The following C3orf20 variants were observed in gnomAD, a reference collection of about 807,000 sequenced individuals.
C3orf20 encodes uncharacterized protein C3orf20.
In C3orf20, 76 loss-of-function variants were observed where a neutral mutation model predicts 88.3. The observed-to-expected ratio is 0.86, with a 90% CI of 0.72 to 1.04. C3orf20 has a LOEUF of 1.04. C3orf20 is among the 50% of genes least tolerant of loss of function. The pLI, the probability that C3orf20 is intolerant of heterozygous loss-of-function variation, is 0.00. For missense variants in C3orf20, 1,056 were observed against 1,123.3 expected (o/e 0.94, Z 0.86); for synonymous variants, 436 against 437.4 (o/e 1.00, Z 0.04).
intron 1 of C3orf20, among the ~76,000 whole-genome samples, chr3:14,678,037 C>T (rs1348178668): frequency 1.3e-5 from 2 of 152,162 alleles, no homozygotes; most frequent in African/African-American, 4.8e-5. Flanking sequence ...TCCTACCCTC[C>T]CCACCTCTAC....
In C3orf20 at chr3:14,768,910, C is replaced by G. The variant is rs1470795386; in HGVS notation, c.2496-3157C>G. ...GACCAAGGATGGTCTCAGAATCAAC[C>G]TCTAGATTAGTCTTCCAGAGAAGCA... On this transcript the variant is annotated intron_variant, in intron 15 of 16. Coordinates refer to ENST00000253697, the MANE Select transcript of C3orf20 (RefSeq NM_032137.5). This position sits in a 1 kb window ranked among gnomAD's most constrained non-coding sequence, Gnocchi z 4.1. 6.6e-6 allele frequency among the ~76,000 whole-genome samples: 1 copy of G among 152,208 alleles called. No homozygotes were observed. Among genetic ancestry groups the G allele is most frequent in the Non-Finnish European group, 1.5e-5 (1 of 68,008 alleles).
intron 12 of C3orf20, among the ~76,000 whole-genome samples, chr3:14,747,133 C>T (rs1267345335): frequency 2.0e-5 from 3 of 152,088 alleles, no homozygotes; most frequent in Admixed American, 2.0e-4. Flanking sequence ...AACTAGGTGG[C>T]CTAAAGGATT....
chr3:14,756,768 A>G (rs1039613719), intron 12 of C3orf20, among the ~76,000 whole-genome samples: 1 of 152,244 alleles, frequency 6.6e-6, no homozygotes, highest in Non-Finnish European at 1.5e-5. Context: ...GATGAAATGC[A>G]GGGGGCAGAT....
At chr3:14,693,148 G>A (rs1022868275) in intron 5 of C3orf20, among the ~76,000 whole-genome samples, 1 of 152,130 alleles carries the variant, frequency 6.6e-6, no homozygotes. Flanking sequence ...TTTGAACTCA[G>A]GTAAGATGAT....
chr3:14,684,236 C>A lies in C3orf20; in HGVS notation c.485-6C>A, dbSNP rs369563013. The A allele has an allele frequency of 5.6e-6, 9 of 1,613,646 alleles. No individual in the cohort carries two copies. In the East Asian group the frequency reaches 2.0e-4, roughly 36 times the overall value. On this transcript the variant is annotated splice_region_variant and splice_polypyrimidine_tract_variant and intron_variant, in intron 3 of 16. Coordinates refer to ENST00000253697, the MANE Select transcript of C3orf20 (RefSeq NM_032137.5). ...GGACACGTGTTGCTTTCTATCATTG[C>A]TTTAGTGGGTGCCAACCCCTTGGAC... is the stretch of plus-strand genomic sequence containing the variant.
At chr3:14,698,583 G>C (rs765094592) in intron 5 of C3orf20, among the ~76,000 whole-genome samples, 2 of 152,192 alleles carry the variant, frequency 1.3e-5, no homozygotes, top group African/African-American at 4.8e-5. Flanking sequence ...TAGATTATCA[G>C]GTAGAGACTC....
At chr3:14,769,163 C>T (rs2035796652) in intron 15 of C3orf20, among the ~76,000 whole-genome samples, 1 of 152,084 alleles carries the variant, frequency 6.6e-6, no homozygotes. Flanking sequence ...GTGAGCAGTG[C>T]ACCATAATAA....
intron 10 of C3orf20, among the ~76,000 whole-genome samples, chr3:14,726,250 G>T (rs2034340445): frequency 6.6e-6 from 1 of 152,240 alleles, no homozygotes; most frequent in South Asian, 2.1e-4. Context: ...TGATCCTTCA[G>T]CGTAATCCCA....
At chr3:14,738,199 A>G (rs550557366) in intron 12 of C3orf20, among the ~76,000 whole-genome samples, 10 of 122,708 alleles carry the variant, frequency 8.1e-5, no homozygotes, top group Non-Finnish European at 1.6e-4. Context: ...GCAGAGTCTC[A>G]CTCTGTCACC....
chr3:14,700,476 G>A (rs534004466), intron 5 of C3orf20, among the ~76,000 whole-genome samples: 3 of 152,248 alleles, frequency 2.0e-5, no homozygotes, highest in South Asian at 2.1e-4. Flanking sequence ...TACAGGTTTG[G>A]TACTATCCAT....
chr3:14,762,383 C>G (rs764925705), intron 15 of C3orf20, among the ~76,000 whole-genome samples: 1 of 152,212 alleles, frequency 6.6e-6, no homozygotes, highest in African/African-American at 2.4e-5. Context: ...TTGAGTGGCT[C>G]AAGAAGAATA....
At position 14,750,906 on chromosome 3, in the gene C3orf20, G is replaced by C. The variant is rs542406325; in HGVS notation, c.1941-6465G>C. Among the ~76,000 whole-genome samples the C allele has an allele frequency of 5.3e-5, 8 of 152,182 alleles. No individual in the cohort carries two copies. The East Asian group carries it at 1.5e-3, about 29-fold the overall frequency. ...TATTCTTTCTGCTCCTTTCTTTCCT[G>C]TCCTTCTAGGATTCCCATTATGTGT... On this transcript the variant is annotated intron_variant, in intron 12 of 16. Transcript: ENST00000253697.
chr3:14,739,454 C>T (rs1465071919), intron 12 of C3orf20, among the ~76,000 whole-genome samples: 2 of 152,208 alleles, frequency 1.3e-5, no homozygotes, highest in African/African-American at 4.8e-5. Context: ...ATCCAAGCTT[C>T]ATTGTTCCAT....
At chr3:14,723,089 A>G (rs765071992) in intron 10 of C3orf20, among the ~76,000 whole-genome samples, 11 of 152,240 alleles carry the variant, frequency 7.2e-5, no homozygotes, top group African/African-American at 2.4e-4. Flanking sequence ...GAGCAATTAT[A>G]TACCTGGAGA....
At chr3:14,711,463 G>T (rs114750383) in intron 7 of C3orf20, among the ~76,000 whole-genome samples, 7 of 152,008 alleles carry the variant, frequency 4.6e-5, no homozygotes, top group Non-Finnish European at 1.0e-4. Context: ...TATTTTGCAT[G>T]GTTTTAGTAT....
chr3:14,761,391 AT>A, intron 14 of C3orf20, 81 bp from the exon 15 acceptor site: 1 of 1,549,304 alleles, frequency 6.5e-7, no homozygotes, highest in South Asian at 1.1e-5. Flanking sequence ...TTCTAGTGAA[AT>A]TCCAAACTTG....
At chr3:14,676,319 G>A (rs2031769137) in intron 1 of C3orf20, among the ~76,000 whole-genome samples, 2 of 151,964 alleles carry the variant, frequency 1.3e-5, no homozygotes, top group Admixed American at 1.3e-4. Flanking sequence ...TGGGAACCCA[G>A]GTTTTATTGC....
At chr3:14,752,864 A>G (rs1277441697) in intron 12 of C3orf20, among the ~76,000 whole-genome samples, 2 of 152,246 alleles carry the variant, frequency 1.3e-5, no homozygotes, top group African/African-American at 4.8e-5. Flanking sequence ...ATGTGGAGAA[A>G]TAGGCACGCT....
chr3:14,678,495 C>T (rs2031909034), intron 1 of C3orf20, among the ~76,000 whole-genome samples: 2 of 152,234 alleles, frequency 1.3e-5, no homozygotes, highest in African/African-American at 2.4e-5. Flanking sequence ...GTGAGCCCCT[C>T]GAGAGCAGGG....
Sources: allele counts gnomAD v4.1 joint callset (sites outside exome capture counted in the v4.1 genomes callset), GRCh38; gene constraint gnomAD v4.1.1; non-coding constraint Gnocchi (gnomAD v3.1); transcripts MANE v1.5; gene names NCBI Gene and HGNC (gene_info 2026-07-23, HGNC 2026-07-21).